Variants in PDLIM5 observed in about 807,000 individuals in gnomAD.
The protein encoded by PDLIM5 is PDZ and LIM domain protein 5.
PDLIM5 carries 34 observed loss-of-function variants against 64.2 expected under a neutral mutation model. The ratio of observed to expected loss-of-function variants is 0.53; its 90% CI spans 0.40 to 0.71. The LOEUF (loss-of-function observed/expected upper bound fraction) is 0.71, where lower values mean the gene tolerates loss of function less well. PDLIM5 is among the 30% of genes least tolerant of loss of function. The pLI is 0.00. For missense variants in PDLIM5, 683 were observed against 733.6 expected (o/e 0.93, Z 0.80); for synonymous variants, 253 against 269.1 (o/e 0.94, Z 0.59).
chr4:94,610,964 CCT>C lies in PDLIM5; in HGVS notation c.921-7032_921-7031del, dbSNP rs1307052827. ...CCTCCTTCTTCCTCTCTCTCCCCAC[CCT>C]CTCTCTCGTAAAGGAAATGTTTCAA... On this transcript the variant is annotated intron_variant, in intron 7 of 12. Coordinates refer to ENST00000317968, the MANE Select transcript of PDLIM5 (RefSeq NM_006457.5). The C allele has an allele frequency of 4.1e-5, 32 of 777,922 alleles. No individual in the cohort carries two copies. The Middle Eastern group carries it at 1.2e-3, about 29-fold the overall frequency. The allele number at this position is 777,922 out of a possible 1,614,324, so 48.2% of individuals were successfully genotyped here.
At chr4:94,574,154 G>A (rs1229423285) in intron 4 of PDLIM5, among the ~76,000 whole-genome samples, 3 of 152,124 alleles carry the variant, frequency 2.0e-5, no homozygotes, top group Admixed American at 1.3e-4. Context: ...GTATTGATTC[G>A]TGTGGGCACT....
At position 94,565,489 on chromosome 4, in the gene PDLIM5, C is replaced by T. The variant is rs141900431; in HGVS notation, c.249-7862C>T. Among the ~76,000 whole-genome samples, 655 of 152,244 alleles carry T rather than the reference C, an allele frequency of 4.3e-3. 2 individuals carry two copies. The highest frequency in any genetic ancestry group is 0.015 in the African/African-American group (608 of 41,544). On this transcript the variant is annotated intron_variant, in intron 3 of 12. Transcript: ENST00000317968. Reference sequence around the variant, plus strand: ...TCTGTTATTGGTAGCATGTCACCATCGATAGTTGTAATGGGGACCATGATG... The same window carrying T: ...TCTGTTATTGGTAGCATGTCACCATTGATAGTTGTAATGGGGACCATGATG...
intron 7 of PDLIM5, chr4:94,608,046 T>A (rs777420564): frequency 1.3e-6 from 2 of 1,518,552 alleles, no homozygotes; most frequent in South Asian, 2.4e-5. Flanking sequence ...ATATTTTACT[T>A]CTGAAAACTT....
At chr4:94,526,523 T>C (rs1043333926) in intron 3 of PDLIM5, among the ~76,000 whole-genome samples, 2 of 152,202 alleles carry the variant, frequency 1.3e-5, no homozygotes, top group Non-Finnish European at 2.9e-5. Flanking sequence ...TGTTAGGTAA[T>C]GTCAGCCTGT....
intron 11 of PDLIM5, among the ~76,000 whole-genome samples, chr4:94,659,029 A>G (rs1005372862): frequency 1.1e-4 from 16 of 152,330 alleles, no homozygotes; most frequent in Non-Finnish European, 2.4e-4. Context: ...ACCTATATTT[A>G]ATGTATTTGA....
At chr4:94,587,069 T>G (rs767768034) in intron 7 of PDLIM5, 2 of 1,610,884 alleles carry the variant, frequency 1.2e-6, no homozygotes, top group Non-Finnish European at 1.7e-6. Flanking sequence ...GCACGTGCTC[T>G]TAACGTACAG....
chr4:94,627,351 G>A (rs572339330), intron 8 of PDLIM5, among the ~76,000 whole-genome samples: 24 of 152,188 alleles, frequency 1.6e-4, no homozygotes, highest in African/African-American at 4.3e-4. Flanking sequence ...ATTTATTTGC[G>A]TGTTGGAAGC....
chr4:94,588,264 T>C (rs1736400219), intron 7 of PDLIM5: 15 of 787,160 alleles, frequency 1.9e-5, no homozygotes, highest in Non-Finnish European at 2.3e-5. Flanking sequence ...TACTAAAATA[T>C]GGGTATAAAA....
chr4:94,546,866 G>A (rs942744790), intron 3 of PDLIM5, among the ~76,000 whole-genome samples: 2 of 151,500 alleles, frequency 1.3e-5, no homozygotes, highest in Non-Finnish European at 2.9e-5. Context: ...ATATTCAAGG[G>A]ATTTAAGGTA....
intron 7 of PDLIM5, among the ~76,000 whole-genome samples, chr4:94,601,109 A>G (rs917647812): frequency 3.9e-5 from 6 of 152,198 alleles, no homozygotes; most frequent in African/African-American, 1.4e-4. Context: ...TCAAGCTGCT[A>G]GAACAAAAAT....
chr4:94,655,019 T>G (rs2110490544), intron 10 of PDLIM5, among the ~76,000 whole-genome samples: 1 of 152,272 alleles, frequency 6.6e-6, no homozygotes, highest in Non-Finnish European at 1.5e-5. Flanking sequence ...TAAATTAAAT[T>G]CCATAGCTTT....
intron 9 of PDLIM5, 45 bp downstream of exon 9, chr4:94,640,495 G>A: frequency 1.1e-6 from 1 of 933,004 alleles, no homozygotes; most frequent in East Asian, 3.0e-5. Flanking sequence ...TAATATCAAT[G>A]TTGGGTTTTT....
In PDLIM5 at chr4:94,463,308, G is replaced by A. The variant is rs754720946; in HGVS notation, c.96+7924G>A. Among the ~76,000 whole-genome samples, 6 of 152,142 alleles carry A rather than the reference G, an allele frequency of 3.9e-5. No individual in the cohort carries two copies. In the East Asian group the frequency reaches 1.2e-3, roughly 29 times the overall value. The stretch of plus-strand genomic sequence containing the variant: ...AGTCAAAAATCCATGTGTAACTTTT[G>A]ACTCCCCCAAAACTTAGCTACTGAT... On this transcript the variant is annotated intron_variant, in intron 2 of 12. Coordinates refer to ENST00000317968, the MANE Select transcript of PDLIM5 (RefSeq NM_006457.5).
intron 7 of PDLIM5, chr4:94,587,218 C>A: frequency 7.0e-7 from 1 of 1,434,206 alleles, no homozygotes; most frequent in South Asian, 1.6e-5. Context: ...TAACAATTTC[C>A]TATTGTTGTG....
chr4:94,652,341 T>G (rs1417340360), intron 9 of PDLIM5, among the ~76,000 whole-genome samples: 1 of 152,038 alleles, frequency 6.6e-6, no homozygotes, highest in Non-Finnish European at 1.5e-5. Flanking sequence ...AGCCAGAGAG[T>G]AGCATGAAAC....
chr4:94,507,031 C>T (rs1249363484), intron 2 of PDLIM5, among the ~76,000 whole-genome samples: 1 of 152,034 alleles, frequency 6.6e-6, no homozygotes, highest in Non-Finnish European at 1.5e-5. Context: ...GAATTAACAC[C>T]AGTGGTTTGC....
chr4:94,520,004 A>G lies in PDLIM5; in HGVS notation c.97-3720A>G, dbSNP rs551381280. ...TCTAAGTACAGATAACTGATATTAG[A>G]TCCTTTCGTACTGAAGTTAATGGGG... On this transcript the variant is annotated intron_variant, in intron 2 of 12. Transcript: ENST00000317968. Among the ~76,000 whole-genome samples the G allele has an allele frequency of 3.9e-5, 6 of 152,248 alleles. No individual in the cohort carries two copies. In the East Asian group the frequency reaches 9.7e-4, roughly 25 times the overall value.
At chr4:94,651,647 G>A (rs76299209) in intron 9 of PDLIM5, among the ~76,000 whole-genome samples, 3,716 of 152,222 alleles carry the variant, frequency 0.024, 159 homozygotes, top group East Asian at 0.15. Flanking sequence ...CTGGCTTTAG[G>A]CCTTCTAGTA....
chr4:94,638,954 A>T (rs1192464243), intron 8 of PDLIM5, among the ~76,000 whole-genome samples: 1 of 152,214 alleles, frequency 6.6e-6, no homozygotes, highest in Non-Finnish European at 1.5e-5. Flanking sequence ...TATAGCAGAA[A>T]CAGTAACACA....
Sources: gnomAD v4.1 joint callset for allele counts (sites outside exome capture counted in the v4.1 genomes callset) on GRCh38, gnomAD v4.1.1 for gene constraint, MANE v1.5 for transcripts, NCBI Gene and HGNC (gene_info 2026-07-23, HGNC 2026-07-21) for gene names.